Variants in YWHAH observed in about 807,000 individuals in gnomAD.
The protein encoded by YWHAH is tyrosine 3-monooxygenase/tryptophan 5-monooxygenase activation protein eta.
Under a neutral mutation model 22.9 loss-of-function variants are expected in YWHAH, and 6 were observed. The observed-to-expected ratio is 0.26, with a 90% CI of 0.14 to 0.52. The LOEUF (loss-of-function observed/expected upper bound fraction) is 0.52, where lower values mean the gene tolerates loss of function less well. Among genes scored for constraint, YWHAH ranks in the 20% least tolerant of loss-of-function variants. The probability of loss-of-function intolerance (pLI) is 0.97; values close to 1 mark genes in which losing one functional copy is unlikely to be tolerated. For missense variants in YWHAH, 173 were observed against 308.6 expected, an observed-to-expected ratio of 0.56 and a Z score of 3.29; for synonymous variants, 135 against 124.5, an observed-to-expected ratio of 1.08 and a Z score of -0.56.
At chr22:31,947,847 G>C (rs1383813568) in intron 1 of YWHAH, among the ~76,000 whole-genome samples, 2 of 152,176 alleles carry the variant, frequency 1.3e-5, no homozygotes, top group Non-Finnish European at 2.9e-5. Flanking sequence ...TAACCAGATA[G>C]ATTTCTGGTG....
Position 31,953,659 on chromosome 22 carries a change from C to G in YWHAH, c.88-2480C>G, listed in dbSNP as rs535183628. Among the ~76,000 whole-genome samples, 5 of 152,252 alleles carry G rather than the reference C, an allele frequency of 3.3e-5. No individual in the cohort carries two copies. The South Asian group carries it at 8.3e-4, about 25-fold the overall frequency. On this transcript the variant is annotated intron_variant, in intron 1 of 1. Transcript: ENST00000248975. ...TTAAGGGGAGCATGGATTGTAGATTCATGGTAGACTGGGGCAGATCACAGT... is the reference window on the plus strand; with the variant it reads ...TTAAGGGGAGCATGGATTGTAGATTGATGGTAGACTGGGGCAGATCACAGT...
intron 1 of YWHAH, among the ~76,000 whole-genome samples, chr22:31,950,630 A>G (rs746737277): frequency 6.6e-6 from 1 of 152,212 alleles, no homozygotes; most frequent in Non-Finnish European, 1.5e-5. Flanking sequence ...TTATTTGACT[A>G]AAATTTAGCT....
chr22:31,955,410 G>A (rs2093848294), intron 1 of YWHAH, among the ~76,000 whole-genome samples: 1 of 151,770 alleles, frequency 6.6e-6, no homozygotes, highest in African/African-American at 2.4e-5. Flanking sequence ...TTTGACAAAG[G>A]GACCGTACGA....
In YWHAH at chr22:31,944,812, A is replaced by G. The variant is rs2093830871; in HGVS notation, c.79A>G (p.Met27Val). 2 of 1,391,366 alleles carry G rather than the reference A, an allele frequency of 1.4e-6. No homozygotes were observed. Among genetic ancestry groups the G allele is most frequent in the Non-Finnish European group, 1.9e-6 (2 of 1,064,280 alleles). 86.2% of individuals were successfully genotyped at this position (1,391,366 alleles called of 1,614,324 possible). A position where few individuals can be genotyped will look rare whatever the true frequency, so the allele number is the denominator to read the frequency against. The stretch of plus-strand genomic sequence containing the variant: ...GCGCTACGACGACATGGCCTCCGCT[A>G]TGAAGGCGGTGAGCGCGCCGGGAGC... Reference protein sequence around the residue: ...AERYDDMASAMKAVTELNEPL... With the variant: ...AERYDDMASAVKAVTELNEPL... The change falls in exon 1 of 2, where the codon ATG becomes GTG. Residue 27 changes from methionine (M) to valine (V), a missense_variant. Met to Val is a conservative substitution (Grantham distance 21). Coordinates refer to ENST00000248975, the MANE Select transcript of YWHAH (RefSeq NM_003405.4).
chr22:31,949,435 C>T (rs1277205634), intron 1 of YWHAH, among the ~76,000 whole-genome samples: 7 of 151,958 alleles, frequency 4.6e-5, no homozygotes, highest in African/African-American at 1.2e-4. Flanking sequence ...TGAGCCACTG[C>T]GCTTGGTTAG....
chr22:31,944,747 A>G lies in YWHAH; in HGVS notation c.14A>G (p.Glu5Gly). 1 of 1,415,250 alleles carries G rather than the reference A, an allele frequency of 7.1e-7. No homozygotes were observed. Among genetic ancestry groups the G allele is most frequent in the Non-Finnish European group, 9.3e-7 (1 of 1,078,154 alleles). 87.7% of individuals were successfully genotyped at this position (1,415,250 alleles called of 1,614,324 possible). The change falls in exon 1 of 2, where the codon GAG becomes GGG. Residue 5 changes from glutamate to glycine, a missense_variant. Glu to Gly is a moderately conservative substitution (Grantham distance 98). Transcript: ENST00000248975. ...GCCGCGAGCGACATGGGGGACCGGG[A>G]GCAGCTGCTGCAGCGGGCGCGGCTG... MGDR[E>G]QLLQRARLAE...
At chr22:31,953,235 TGAAAG>T (rs768875214) in intron 1 of YWHAH, among the ~76,000 whole-genome samples, 79 of 152,362 alleles carry the variant, frequency 5.2e-4, no homozygotes, top group African/African-American at 1.3e-3. Flanking sequence ...TACTACAAGA[TGAAAG>T]GAGCTCTCCA....
At chr22:31,944,955 CCTTAGCCCGCG>C in intron 1 of YWHAH, 135 bp downstream of exon 1, 2 of 1,107,946 alleles carry the variant, frequency 1.8e-6, no homozygotes, top group Non-Finnish European at 2.2e-6. Flanking sequence ...GCCCGCCCGC[CCTTAGCCCGCG>C]CTTCCCGCTC....
chr22:31,948,347 C>G (rs747811424), intron 1 of YWHAH, among the ~76,000 whole-genome samples: 10 of 151,606 alleles, frequency 6.6e-5, no homozygotes, highest in Non-Finnish European at 1.0e-4. Context: ...TGAGACAGAT[C>G]AGTGTCACAG....
At chr22:31,953,359 T>C (rs117817406) in intron 1 of YWHAH, among the ~76,000 whole-genome samples, 127 of 152,326 alleles carry the variant, frequency 8.3e-4, no homozygotes, top group Non-Finnish European at 1.5e-3. Context: ...TGGGATGGAA[T>C]TTTGATTCAG....
chr22:31,944,991 G>A, intron 1 of YWHAH, 171 bp downstream of exon 1: 3 of 1,119,798 alleles, frequency 2.7e-6, no homozygotes, highest in Non-Finnish European at 2.2e-6. Flanking sequence ...TGGGCGCCCC[G>A]CCACTTCCTG....
intron 1 of YWHAH, chr22:31,945,803 C>G: frequency 1.3e-6 from 1 of 776,254 alleles, no homozygotes; most frequent in Non-Finnish European, 1.7e-6. Flanking sequence ...CCGCCTTAGA[C>G]CTATACATTC....
chr22:31,950,336 A>G, intron 1 of YWHAH: 1 of 779,296 alleles, frequency 1.3e-6, no homozygotes, highest in Non-Finnish European at 2.4e-6. Flanking sequence ...CCTAGTGTCC[A>G]AGTGGAGGCA....
At chr22:31,944,986 G>T (rs1033047744) in intron 1 of YWHAH, 166 bp downstream of exon 1, 2 of 1,119,274 alleles carry the variant, frequency 1.8e-6, no homozygotes, top group South Asian at 8.8e-5. Flanking sequence ...CCCGCTGGGC[G>T]CCCCGCCACT....
chr22:31,948,553 A>G (rs981010980), intron 1 of YWHAH, among the ~76,000 whole-genome samples: 3 of 152,058 alleles, frequency 2.0e-5, no homozygotes, highest in African/African-American at 7.2e-5. Flanking sequence ...TAATTATTAA[A>G]TTGTATAGAC....
At chr22:31,946,985 A>G (rs2093835797) in intron 1 of YWHAH, among the ~76,000 whole-genome samples, 2 of 152,196 alleles carry the variant, frequency 1.3e-5, no homozygotes, top group African/African-American at 4.8e-5. Context: ...TATTGTGCTT[A>G]TAGGTATTTT....
rs1038417200 is a variant in YWHAH, at chr22:31,944,624, G to C, written c.-110G>C. On this transcript the variant is annotated 5_prime_UTR_variant, in exon 1 of 2. Coordinates refer to ENST00000248975, the MANE Select transcript of YWHAH (RefSeq NM_003405.4). ...CAGCCTCCGGCCGGCCGGCGAGCCA[G>C]TGCGCGTGCGCGGCGGCGGCCTCCG... 9.4e-6 allele frequency: 8 copies of C among 847,252 alleles called. No homozygotes were observed. The highest frequency in any genetic ancestry group is 1.2e-5 in the Non-Finnish European group (8 of 663,200). The allele number at this position is 847,252 out of a possible 1,614,324, so 52.5% of individuals were successfully genotyped here.
At chr22:31,944,898 T>G in intron 1 of YWHAH, 78 bp downstream of exon 1, 2 of 1,156,566 alleles carry the variant, frequency 1.7e-6, no homozygotes, top group Non-Finnish European at 2.2e-6. Context: ...CGCGGGCGCG[T>G]TCCCCTCCCG....
At chr22:31,945,581 C>T (rs2093832979) in intron 1 of YWHAH, 1 of 1,303,864 alleles carries the variant, frequency 7.7e-7, no homozygotes, top group Non-Finnish European at 1.0e-6. Flanking sequence ...GAGTCGTGCC[C>T]AGCCACACCC....
Sources: gnomAD v4.1 joint callset for allele counts (sites outside exome capture counted in the v4.1 genomes callset) on GRCh38, gnomAD v4.1.1 for gene constraint, MANE v1.5 for transcripts, NCBI Gene and HGNC (gene_info 2026-07-23, HGNC 2026-07-21) for gene names.